ARID1A: variants seen among roughly 807,000 people sequenced by gnomAD.
ARID1A encodes AT-rich interaction domain 1A, also known as AT-rich interactive domain-containing protein 1A.
ARID1A carries 20 observed loss-of-function variants against 212.6 expected under a neutral mutation model. That is an observed-to-expected ratio of 0.09 (90% confidence interval 0.07 to 0.14). The LOEUF is 0.14. Ranked by LOEUF, ARID1A falls within the 10% of genes least tolerant of loss-of-function variation. The pLI, the probability that ARID1A is intolerant of heterozygous loss-of-function variation, is 1.00. For synonymous variants in ARID1A, 1,376 were observed against 1,222.1 expected, an observed-to-expected ratio of 1.13 and a Z score of -2.63; for missense variants, 2,587 against 3,059.0, an observed-to-expected ratio of 0.85 and a Z score of 3.64.
At chr1:26,752,987 A>G (rs2080898062) in intron 4 of ARID1A, 1 of 152,180 alleles carries the variant, frequency 6.6e-6, no homozygotes. Context: ...TTTATGGGAA[A>G]ACCCTAAATC....
chr1:26,764,022 T>C (rs2081016888), intron 8 of ARID1A, among the ~76,000 whole-genome samples: 1 of 152,062 alleles, frequency 6.6e-6, no homozygotes, highest in Non-Finnish European at 1.5e-5. Flanking sequence ...CAAGCTGGAG[T>C]GTAATGGCAC....
intron 1 of ARID1A, among the ~76,000 whole-genome samples, chr1:26,703,872 C>T (rs1373432912): frequency 6.6e-6 from 1 of 152,186 alleles, no homozygotes; most frequent in African/African-American, 2.4e-5. Context: ...TATGTGCACA[C>T]ATCTGGAAAA....
chr1:26,775,760 A>G, intron 19 of ARID1A, 53 bp downstream of exon 19: 10 of 1,612,530 alleles, frequency 6.2e-6, no homozygotes, highest in Middle Eastern at 1.7e-4. Context: ...TTCTTAGTGT[A>G]GACAATGGGA....
At chr1:26,747,106 C>T (rs994388566) in intron 4 of ARID1A, among the ~76,000 whole-genome samples, 7 of 151,996 alleles carry the variant, frequency 4.6e-5, no homozygotes, top group African/African-American at 1.2e-4. Context: ...TAGAATTAGC[C>T]CTATTGTTTT....
chr1:26,696,779 G>GGCGGCA lies in ARID1A; in HGVS notation c.379_384dup (p.Gly127_Ser128dup), dbSNP rs771144579. 5.2e-6 allele frequency: 7 copies of GGCGGCA among 1,338,444 alleles called. No individual in the cohort carries two copies. In the South Asian group the frequency reaches 1.0e-4, roughly 20 times the overall value. The allele number at this position is 1,338,444 out of a possible 1,614,324, so 82.9% of individuals were successfully genotyped here. A position where few individuals can be genotyped will look rare whatever the true frequency, so the allele number is the denominator to read the frequency against. ...CACGGAGCCGCCCGGCGGCGGCGGT[G>GGCGGCA]GCGGCAGCAGCGATGGGGTGGGGGC... is the stretch of plus-strand genomic sequence containing the variant. On this transcript the variant is annotated inframe_insertion, in exon 1 of 20. Transcript: ENST00000324856.
chr1:26,775,723 T>G lies in ARID1A; in HGVS notation c.5124+16T>G, dbSNP rs749095383. The G allele has an allele frequency of 6.2e-7, 1 of 1,614,172 alleles. No homozygotes were observed. On this transcript the variant is annotated intron_variant, in intron 19 of 19. Transcript: ENST00000324856. The stretch of plus-strand genomic sequence containing the variant: ...CCTCAGTCAGGTGAGTATCAGTGCC[T>G]GGGGAAGATTGAGAGGGTTTGGGAT...
In ARID1A at chr1:26,696,516, AGGCGGC is replaced by A. The variant is rs587779737; in HGVS notation, c.123_128del (p.Ala44_Ala45del). The A allele has an allele frequency of 7.3e-6, 9 of 1,224,588 alleles. No individual in the cohort carries two copies. Among genetic ancestry groups the A allele is most frequent in the African/African-American group, 3.2e-5 (2 of 62,824 alleles). The allele number at this position is 1,224,588 out of a possible 1,614,324, so 75.9% of individuals were successfully genotyped here. ...CAGCAGCGGGAGGAGGCGGGGGGCG[AGGCGGC>A]GGCGGCGGCAGCGGCCGAGCGCGGG... On this transcript the variant is annotated inframe_deletion, in exon 1 of 20. Transcript: ENST00000324856.
chr1:26,703,311 G>GGAA lies in ARID1A; in HGVS notation c.1137+5784_1137+5786dup, dbSNP rs1016027101. On this transcript the variant is annotated intron_variant, in intron 1 of 19. Coordinates refer to ENST00000324856, the MANE Select transcript of ARID1A (RefSeq NM_006015.6). Reference sequence around the variant, plus strand: ...TCCTTCAGTGACACATTCTTTTTATGGAAGAAGAAGAAGAATCTATGAATA... The same window carrying GGAA: ...TCCTTCAGTGACACATTCTTTTTATGGAAGAAGAAGAAGAAGAATCTATGAATA... 1.8e-4 allele frequency among the ~76,000 whole-genome samples: 28 copies of GGAA among 152,196 alleles called. 2 individuals carry two copies. Among genetic ancestry groups the GGAA allele is most frequent in the Admixed American group, 1.3e-3 (20 of 15,280 alleles).
Position 26,772,578 on chromosome 1 carries a change from C to T in ARID1A, c.3485C>T (p.Pro1162Leu), listed in dbSNP as rs2081091993. Residue 1162 changes from proline (P) to leucine (L), a missense_variant, in exon 13 of 20, where the codon CCA (proline) becomes CTA (leucine). Pro to Leu is a moderately conservative substitution (Grantham distance 98). Coordinates refer to ENST00000324856, the MANE Select transcript of ARID1A (RefSeq NM_006015.6). Reference sequence around the variant, plus strand: ...ATGGCAGAAGGAGGAGACTTAAAGCCACCAACTCCAGCATCCACACCACAC... The same window carrying T: ...ATGGCAGAAGGAGGAGACTTAAAGCTACCAACTCCAGCATCCACACCACAC... ...SSMAEGGDLKPPTPASTPHSQ... is the reference protein window; with the variant it reads ...SSMAEGGDLKLPTPASTPHSQ... The T allele has an allele frequency of 1.9e-6, 3 of 1,614,100 alleles. No homozygotes were observed. The highest frequency in any genetic ancestry group is 1.3e-5 in the African/African-American group (1 of 74,920).
intron 12 of ARID1A, chr1:26,772,105 G>A (rs563111693): frequency 2.2e-4 from 44 of 200,008 alleles, no homozygotes; most frequent in Non-Finnish European, 4.2e-4. Context: ...ATGCATCCCA[G>A]ATTTGGGACC....
At chr1:26,712,428 T>C (rs111844428) in intron 1 of ARID1A, among the ~76,000 whole-genome samples, 1,713 of 152,240 alleles carry the variant, frequency 0.011, 24 homozygotes, top group African/African-American at 0.038. Context: ...CTCACACTTG[T>C]AATCCCCGTG....
intron 2 of ARID1A, among the ~76,000 whole-genome samples, chr1:26,730,820 C>T (rs1326335591): frequency 1.3e-5 from 2 of 152,194 alleles, no homozygotes; most frequent in African/African-American, 4.8e-5. Flanking sequence ...AGATTCCTAA[C>T]ACTTATAAAA....
At chr1:26,707,350 A>G (rs2080403043) in intron 1 of ARID1A, among the ~76,000 whole-genome samples, 1 of 151,632 alleles carries the variant, frequency 6.6e-6, no homozygotes, top group South Asian at 2.1e-4. Context: ...CTGGGACTAC[A>G]GGCGCCTTCC....
chr1:26,746,046 T>C lies in ARID1A; in HGVS notation c.1920+13254T>C, dbSNP rs989992747. ...AGTCTGGGCAACAAGAGCAAAACTC[T>C]GTCTCAAAAAAATAGAAAAGGAAAA... On this transcript the variant is annotated intron_variant, in intron 4 of 19. Transcript: ENST00000324856. Among the ~76,000 whole-genome samples, 8 of 152,244 alleles carry C rather than the reference T, an allele frequency of 5.3e-5. No individual in the cohort carries two copies. The South Asian group carries it at 8.3e-4, about 16-fold the overall frequency.
chr1:26,722,766 G>A lies in ARID1A; in HGVS notation c.1138-6885G>A, dbSNP rs74735400. 9.3e-4 allele frequency among the ~76,000 whole-genome samples: 141 copies of A among 152,276 alleles called. 1 individual carries two copies. In the East Asian group the frequency reaches 0.021, roughly 22 times the overall value. ...GAATGAAGAGAATCATAGGCTGAGT[G>A]GGTTTGATTCCCTGTGACAGGTGTT... On this transcript the variant is annotated intron_variant, in intron 1 of 19. Transcript: ENST00000324856.
At chr1:26,724,122 C>T in intron 1 of ARID1A, among the ~76,000 whole-genome samples, 1 of 151,976 alleles carries the variant, frequency 6.6e-6, no homozygotes, top group East Asian at 1.9e-4. Context: ...ACAAATCTAG[C>T]CAGGAATAAA....
chr1:26,777,913 TA>T (rs1310931822), intron 19 of ARID1A, among the ~76,000 whole-genome samples: 3 of 151,842 alleles, frequency 2.0e-5, no homozygotes, highest in Non-Finnish European at 4.4e-5. Context: ...ACCAAAAATA[TA>T]AAAATTAGCC....
At chr1:26,707,033 CTT>C (rs763118260) in intron 1 of ARID1A, among the ~76,000 whole-genome samples, 9 of 140,492 alleles carry the variant, frequency 6.4e-5, no homozygotes, top group Admixed American at 7.2e-5. Context: ...AGGATCCTGA[CTT>C]TTTTTTTTTT....
intron 1 of ARID1A, among the ~76,000 whole-genome samples, chr1:26,706,552 T>A (rs1011373971): frequency 6.6e-5 from 10 of 152,220 alleles, no homozygotes; most frequent in African/African-American, 2.4e-4. Flanking sequence ...TCAACTGCCG[T>A]GTACTTTGAC....
Sources: gnomAD v4.1 joint callset for allele counts (sites outside exome capture counted in the v4.1 genomes callset) on GRCh38, gnomAD v4.1.1 for gene constraint, MANE v1.5 for transcripts, NCBI Gene and HGNC (gene_info 2026-07-23, HGNC 2026-07-21) for gene names.